FKBP5: variants seen among roughly 807,000 people sequenced by gnomAD.
The protein encoded by FKBP5 is peptidyl-prolyl cis-trans isomerase FKBP5.
Under a neutral mutation model 50.5 loss-of-function variants are expected in FKBP5, and 23 were observed. The ratio of observed to expected loss-of-function variants is 0.46; its 90% CI spans 0.33 to 0.65. FKBP5 has a LOEUF of 0.65. Ranked by LOEUF, FKBP5 falls within the 30% of genes least tolerant of loss-of-function variation. FKBP5 has a pLI of 0.02. For missense variants in FKBP5, 411 were observed against 553.1 expected (o/e 0.74, Z 2.58); for synonymous variants, 176 against 190.6 (o/e 0.92, Z 0.63).
intron 1 of FKBP5, among the ~76,000 whole-genome samples, chr6:35,668,276 C>T (rs1286097440): frequency 6.6e-6 from 1 of 152,330 alleles, no homozygotes; most frequent in East Asian, 1.9e-4. Flanking sequence ...GAAACAGCAT[C>T]CCGGGACTTT....
intron 5 of FKBP5, among the ~76,000 whole-genome samples, chr6:35,605,102 A>T (rs114543123): frequency 6.6e-6 from 1 of 151,948 alleles, no homozygotes. Context: ...TTATTTTTTA[A>T]AACAATTTTT....
In FKBP5 at chr6:35,711,754, A is replaced by G. The variant is rs531263205; in HGVS notation, c.-20+8574T>C. ...GGTAAACATTTGTCAAAACTCATCAAACTGTACACTTAAATGGGTGCATTT... is the reference window on the plus strand; with the variant it reads ...GGTAAACATTTGTCAAAACTCATCAGACTGTACACTTAAATGGGTGCATTT... On this transcript the variant is annotated intron_variant, in intron 2 of 11. Transcript: ENST00000536438. Among the ~76,000 whole-genome samples, 373 of 152,350 alleles carry G rather than the reference A, an allele frequency of 2.4e-3. 1 individual carries two copies. Among genetic ancestry groups the G allele is most frequent in the Middle Eastern group, 0.014 (4 of 294 alleles).
At chr6:35,637,897 G>C (rs1041344540) in intron 2 of FKBP5, among the ~76,000 whole-genome samples, 1 of 152,110 alleles carries the variant, frequency 6.6e-6, no homozygotes, top group African/African-American at 2.4e-5. Context: ...TCCCTCCTTT[G>C]CTAAAAACAT....
chr6:35,630,011 T>A (rs911983279), intron 3 of FKBP5, among the ~76,000 whole-genome samples: 6 of 152,092 alleles, frequency 3.9e-5, no homozygotes, highest in African/African-American at 1.4e-4. Context: ...TGACTCATGC[T>A]TGTAATCCCA....
At chr6:35,650,483 A>T (rs961782701) in intron 1 of FKBP5, among the ~76,000 whole-genome samples, 8 of 149,972 alleles carry the variant, frequency 5.3e-5, no homozygotes, top group African/African-American at 1.2e-4. Flanking sequence ...TTATTTTTTT[A>T]AATTTTTTGA....
At chr6:35,601,439 A>G (rs1763140928) in intron 5 of FKBP5, among the ~76,000 whole-genome samples, 1 of 152,216 alleles carries the variant, frequency 6.6e-6, no homozygotes, top group African/African-American at 2.4e-5. Flanking sequence ...ACTGCTGACA[A>G]GAACTCACAC....
intron 1 of FKBP5, among the ~76,000 whole-genome samples, chr6:35,686,982 A>C (rs1414730262): frequency 4.6e-5 from 7 of 152,232 alleles, no homozygotes. Context: ...TTTTAATCTA[A>C]AATAGTCACA....
At chr6:35,711,798 C>T (rs1220167561) in intron 2 of FKBP5, among the ~76,000 whole-genome samples, 1 of 152,112 alleles carries the variant, frequency 6.6e-6, no homozygotes, top group Non-Finnish European at 1.5e-5. Flanking sequence ...GTAAATTATG[C>T]GCATGTAAAG....
intron 1 of FKBP5, among the ~76,000 whole-genome samples, chr6:35,646,967 A>G (rs17542466): frequency 0.16 from 24,580 of 152,248 alleles, 2,628 homozygotes; most frequent in Non-Finnish European, 0.23. Flanking sequence ...TTTTAAAGCC[A>G]TATCTACCAA....
chr6:35,619,165 C>T lies in FKBP5; in HGVS notation c.439G>A (p.Gly147Ser). ...FKGEDLFEDG[G>S]IIRRTKRKGE... is the part of the protein sequence containing the mutation. ...TTCCGTTTGGTTCTCCGGATAATGC[C>T]TCCATCTTCAAATAAATCCTCTCCT... The change falls in exon 5 of 11, where the codon GGC becomes AGC. Residue 147 changes from glycine (G) to serine (S), a missense_variant. Physicochemically the swap from Gly to Ser is moderately conservative, Grantham distance 56. Transcript: ENST00000357266. 6.2e-7 allele frequency: 1 copy of T among 1,613,888 alleles called. No homozygotes were observed. Among genetic ancestry groups the T allele is most frequent in the Non-Finnish European group, 8.5e-7 (1 of 1,179,842 alleles).
chr6:35,585,974 G>C, intron 8 of FKBP5: 1 of 984,694 alleles, frequency 1.0e-6, no homozygotes, highest in Non-Finnish European at 1.2e-6. Context: ...ATAATAGCAT[G>C]TCTTATAGCA....
At chr6:35,646,749 G>T (rs140656232) in intron 1 of FKBP5, among the ~76,000 whole-genome samples, 1,895 of 152,216 alleles carry the variant, frequency 0.012, 27 homozygotes, top group Non-Finnish European at 0.02. Context: ...CTGTCCAAAG[G>T]CGGAAAATTG....
intron 6 of FKBP5, among the ~76,000 whole-genome samples, chr6:35,594,887 T>C (rs1762933580): frequency 1.3e-5 from 2 of 152,224 alleles, no homozygotes; most frequent in Admixed American, 1.3e-4. Context: ...GAAAACCTAT[T>C]GACAACTTTT....
At chr6:35,695,320 C>T (rs557624071) in intron 2 of FKBP5, among the ~76,000 whole-genome samples, 5 of 152,266 alleles carry the variant, frequency 3.3e-5, no homozygotes, top group Admixed American at 6.5e-5. Context: ...CACGCCACAA[C>T]GCCTGACTAA....
intron 3 of FKBP5, among the ~76,000 whole-genome samples, chr6:35,632,392 T>C (rs1404095263): frequency 1.3e-5 from 2 of 152,154 alleles, no homozygotes; most frequent in Non-Finnish European, 2.9e-5. Context: ...CATTCCATTA[T>C]AAAACCAGTG....
chr6:35,629,000 AG>A (rs1186323528), intron 3 of FKBP5, among the ~76,000 whole-genome samples: 1 of 152,186 alleles, frequency 6.6e-6, no homozygotes, highest in African/African-American at 2.4e-5. Context: ...TACAGGCATG[AG>A]CCACCACGCC....
chr6:35,720,152 G>A (rs922109615), intron 2 of FKBP5, among the ~76,000 whole-genome samples: 9 of 152,234 alleles, frequency 5.9e-5, no homozygotes, highest in African/African-American at 2.2e-4. Context: ...TTCCGGGGGT[G>A]CCTGAGAGGG....
intron 1 of FKBP5, among the ~76,000 whole-genome samples, chr6:35,657,088 G>A (rs1356400948): frequency 6.6e-6 from 1 of 150,836 alleles, no homozygotes; most frequent in Non-Finnish European, 1.5e-5. Context: ...GGTGGCGGGC[G>A]CCTGTAGTCC....
At chr6:35,711,332 A>G (rs942205351) in intron 2 of FKBP5, among the ~76,000 whole-genome samples, 6 of 150,512 alleles carry the variant, frequency 4.0e-5, no homozygotes, top group African/African-American at 1.5e-4. Context: ...AAAAAAAAAA[A>G]AGAAGGCCGG....
Sources: gnomAD v4.1 joint callset for allele counts (sites outside exome capture counted in the v4.1 genomes callset) on GRCh38, gnomAD v4.1.1 for gene constraint, MANE v1.5 for transcripts, NCBI Gene and HGNC (gene_info 2026-07-23, HGNC 2026-07-21) for gene names.